SLC22A15: variants seen among roughly 807,000 people sequenced by gnomAD.
The protein encoded by SLC22A15 is solute carrier family 22 member 15.
SLC22A15 carries 45 observed loss-of-function variants against 62.7 expected under a neutral mutation model. The observed-to-expected ratio is 0.72, with a 90% CI of 0.56 to 0.92. The LOEUF (loss-of-function observed/expected upper bound fraction) is 0.92. Among genes scored for constraint, SLC22A15 ranks in the 40% least tolerant of loss-of-function variants. SLC22A15 has a pLI of 0.00. For synonymous variants in SLC22A15, 264 were observed against 267.0 expected, an observed-to-expected ratio of 0.99 and a Z score of 0.11; for missense variants, 622 against 665.6, an observed-to-expected ratio of 0.93 and a Z score of 0.72.
chr1:115,985,669 C>CCGGG (rs1654821201), intron 1 of SLC22A15, among the ~76,000 whole-genome samples: 1 of 151,674 alleles, frequency 6.6e-6, no homozygotes, highest in Non-Finnish European at 1.5e-5. Flanking sequence ...AGAGAGAAGG[C>CCGGG]CGGGCGCGGT....
intron 1 of SLC22A15, among the ~76,000 whole-genome samples, chr1:115,990,107 G>A (rs1655074985): frequency 6.6e-6 from 1 of 152,230 alleles, no homozygotes; most frequent in Non-Finnish European, 1.5e-5. Flanking sequence ...AAACAGGAGA[G>A]GACTTCTGGA....
At chr1:116,065,910 A>T (rs1010938716) in intron 10 of SLC22A15, among the ~76,000 whole-genome samples, 1 of 152,198 alleles carries the variant, frequency 6.6e-6, no homozygotes, top group Non-Finnish European at 1.5e-5. Flanking sequence ...TTTTCCTGAG[A>T]ATATGTTTTG....
In SLC22A15 at chr1:116,067,031, G is replaced by C; in HGVS notation, c.1567G>C (p.Glu523Gln). 6.2e-7 allele frequency: 1 copy of C among 1,612,088 alleles called. No homozygotes were observed. Among genetic ancestry groups the C allele is most frequent in the African/African-American group, 1.3e-5 (1 of 75,018 alleles). Residue 523 changes from glutamate to glutamine, a missense_variant, in exon 12 of 12, where the codon GAG becomes CAG. Coordinates refer to ENST00000369503, the MANE Select transcript of SLC22A15 (RefSeq NM_018420.3). ...ALDPQQCVDK[E>Q]SSLGSESEEE... ...TTTCCTGTTTCAGTGTGTGGACAAG[G>C]AGAGCTCTTTAGGGAGTGAGAGTGA...
intron 2 of SLC22A15, among the ~76,000 whole-genome samples, chr1:115,997,710 G>GT (rs988338226): frequency 1.3e-4 from 20 of 151,466 alleles, no homozygotes; most frequent in African/African-American, 4.4e-4. Flanking sequence ...GGAGTCTTTA[G>GT]TTTTTTTTCA....
rs551330396 is a variant in SLC22A15 at position 116,029,816 on chromosome 1, CTG to C, written c.729-1547_729-1546del. ...ATGACATATAACCCAAAGATAATGACTGTGAATATTTTGGCGTATTTTCTGTT... is the reference window on the plus strand; with the variant it reads ...ATGACATATAACCCAAAGATAATGACTGAATATTTTGGCGTATTTTCTGTT... On this transcript the variant is annotated intron_variant, in intron 5 of 11. Transcript: ENST00000369503. 1.5e-3 allele frequency among the ~76,000 whole-genome samples: 221 copies of C among 152,244 alleles called. 1 individual carries two copies. Among genetic ancestry groups the C allele is most frequent in the South Asian group, 2.7e-3 (13 of 4,824 alleles).
chr1:116,052,300 A>G (rs185291371), intron 8 of SLC22A15, among the ~76,000 whole-genome samples: 4 of 152,320 alleles, frequency 2.6e-5, no homozygotes, highest in Non-Finnish European at 5.9e-5. Flanking sequence ...GATTGCTAGC[A>G]CAGCAGTCTG....
intron 8 of SLC22A15, among the ~76,000 whole-genome samples, chr1:116,058,052 TATA>T (rs71096859): frequency 8.8e-4 from 129 of 147,206 alleles, no homozygotes; most frequent in African/African-American, 3.0e-3. Context: ...AAACTTAAAG[TATA>T]ATAATAATAA....
intron 8 of SLC22A15, among the ~76,000 whole-genome samples, chr1:116,038,585 T>A (rs1413242271): frequency 6.6e-6 from 1 of 152,268 alleles, no homozygotes; most frequent in Non-Finnish European, 1.5e-5. Flanking sequence ...GCCCATTTTT[T>A]ATTCTCTGAG....
chr1:116,005,967 A>G (rs1336971667), intron 2 of SLC22A15, among the ~76,000 whole-genome samples: 4 of 152,168 alleles, frequency 2.6e-5, no homozygotes, highest in Non-Finnish European at 5.9e-5. Flanking sequence ...CAAAGCACTC[A>G]TTTCTGACAA....
chr1:116,026,968 G>A lies in SLC22A15; in HGVS notation c.674G>A (p.Arg225Lys). 1.9e-6 allele frequency: 3 copies of A among 1,613,902 alleles called. No individual in the cohort carries two copies. Among genetic ancestry groups the A allele is most frequent in the Non-Finnish European group, 2.5e-6 (3 of 1,179,834 alleles). Reference sequence around the variant, plus strand: ...TTAGGATACTTCATCCGCTCCTGGAGGACCCTAGCCATTCTGGTTAACCTG... The same window carrying A: ...TTAGGATACTTCATCCGCTCCTGGAAGACCCTAGCCATTCTGGTTAACCTG... ...ALLGYFIRSWRTLAILVNLQG... is the reference protein window; with the variant it reads ...ALLGYFIRSWKTLAILVNLQG... The change falls in exon 5 of 12, where the codon AGG becomes AAG. Residue 225 changes from arginine (R) to lysine (K), a missense_variant. Arg to Lys is a conservative substitution (Grantham distance 26). Coordinates refer to ENST00000369503, the MANE Select transcript of SLC22A15 (RefSeq NM_018420.3).
At chr1:116,016,416 A>T (rs1656532040) in intron 2 of SLC22A15, among the ~76,000 whole-genome samples, 1 of 152,038 alleles carries the variant, frequency 6.6e-6, no homozygotes, top group Non-Finnish European at 1.5e-5. Flanking sequence ...TTGTATAGAC[A>T]TGTTTTCGCC....
At chr1:116,023,097 T>C (rs946534547) in intron 4 of SLC22A15, among the ~76,000 whole-genome samples, 6 of 152,186 alleles carry the variant, frequency 3.9e-5, no homozygotes, top group Non-Finnish European at 8.8e-5. Context: ...TTGCTGGAAA[T>C]AGCCTGATTA....
intron 8 of SLC22A15, among the ~76,000 whole-genome samples, chr1:116,055,322 C>T (rs1480303032): frequency 6.6e-6 from 1 of 152,086 alleles, no homozygotes; most frequent in Non-Finnish European, 1.5e-5. Flanking sequence ...GGATAAATTC[C>T]TCTACACATA....
intron 8 of SLC22A15, among the ~76,000 whole-genome samples, chr1:116,060,185 A>G (rs1658343449): frequency 6.6e-6 from 1 of 152,224 alleles, no homozygotes; most frequent in African/African-American, 2.4e-5. Flanking sequence ...TCCCAGAAAG[A>G]AAAAGAAATA....
At chr1:115,987,423 C>G (rs991561246) in intron 1 of SLC22A15, among the ~76,000 whole-genome samples, 8 of 152,198 alleles carry the variant, frequency 5.3e-5, no homozygotes, top group African/African-American at 1.9e-4. Flanking sequence ...CTCGGCCTCC[C>G]AAAGTGCTGG....
intron 1 of SLC22A15, among the ~76,000 whole-genome samples, chr1:115,986,778 T>C (rs1248033107): frequency 6.6e-6 from 1 of 152,238 alleles, no homozygotes; most frequent in Non-Finnish European, 1.5e-5. Context: ...TGCAATTCAC[T>C]GTTGACTATG....
intron 8 of SLC22A15, among the ~76,000 whole-genome samples, chr1:116,045,962 T>A (rs1657920537): frequency 6.6e-6 from 1 of 152,120 alleles, no homozygotes. Context: ...CATGGTCAAT[T>A]AATTTTTGAT....
At chr1:115,994,628 G>A (rs926235576) in intron 2 of SLC22A15, among the ~76,000 whole-genome samples, 1 of 152,114 alleles carries the variant, frequency 6.6e-6, no homozygotes, top group Non-Finnish European at 1.5e-5. Context: ...TTCATCTATT[G>A]TTACTAGTTT....
intron 1 of SLC22A15, among the ~76,000 whole-genome samples, chr1:115,991,255 C>T (rs1421478538): frequency 6.6e-6 from 1 of 151,950 alleles, no homozygotes; most frequent in African/African-American, 2.4e-5. Context: ...GCTGTAAAGC[C>T]CAGAACAATC....
Sources: gnomAD v4.1 joint callset for allele counts (sites outside exome capture counted in the v4.1 genomes callset) on GRCh38, gnomAD v4.1.1 for gene constraint, MANE v1.5 for transcripts, NCBI Gene and HGNC (gene_info 2026-07-23, HGNC 2026-07-21) for gene names.